Variants in DPP10 observed in about 807,000 individuals in gnomAD.
DPP10 encodes the protein inactive dipeptidyl peptidase 10.
Under a neutral mutation model 120.9 loss-of-function variants are expected in DPP10, and 33 were observed. The observed-to-expected ratio is 0.27, with a 90% CI of 0.21 to 0.37. DPP10 has a LOEUF of 0.37. Among genes scored for constraint, DPP10 ranks in the 10% least tolerant of loss-of-function variants. The pLI, the probability that DPP10 is intolerant of heterozygous loss-of-function variation, is 1.00. For missense variants in DPP10, 816 were observed against 942.8 expected (o/e 0.87, Z 1.76); for synonymous variants, 337 against 326.1 (o/e 1.03, Z -0.36).
Position 115,842,441 on chromosome 2 carries a change from C to A in DPP10, c.*96C>A, listed in dbSNP as rs1437586654. The stretch of plus-strand genomic sequence containing the variant: ...TGTAGTTGCTCCAGAATGTCAAGGG[C>A]AGCTTACGGAGATGTCACTGGAGCA... On this transcript the variant is annotated 3_prime_UTR_variant, in exon 26 of 26. Coordinates refer to ENST00000410059, the MANE Select transcript of DPP10 (RefSeq NM_020868.6). 2.1e-6 allele frequency: 3 copies of A among 1,434,744 alleles called. No individual in the cohort carries two copies. The highest frequency in any genetic ancestry group is 2.3e-5 in the East Asian group (1 of 42,946). 88.9% of individuals were successfully genotyped at this position (1,434,744 alleles called of 1,614,324 possible).
intron 1 of DPP10, among the ~76,000 whole-genome samples, chr2:114,840,000 G>GGAC (rs1688031896): frequency 6.6e-6 from 1 of 152,062 alleles, no homozygotes; most frequent in African/African-American, 2.4e-5. Context: ...TCAGGAGGTG[G>GGAC]GACGGTTCTT....
At chr2:114,993,877 C>T (rs1292449966) in intron 1 of DPP10, among the ~76,000 whole-genome samples, 2 of 152,056 alleles carry the variant, frequency 1.3e-5, no homozygotes, top group Non-Finnish European at 2.9e-5. Context: ...AAATTGACTG[C>T]AACTATGTCA....
At chr2:114,744,864 C>T (rs899513316) in intron 1 of DPP10, among the ~76,000 whole-genome samples, 5 of 152,110 alleles carry the variant, frequency 3.3e-5, no homozygotes, top group African/African-American at 4.8e-5. Flanking sequence ...CAGGTTCAAG[C>T]GATTCTCCTG....
intron 4 of DPP10, among the ~76,000 whole-genome samples, chr2:115,503,380 A>G (rs1182310742): frequency 1.3e-5 from 2 of 152,064 alleles, no homozygotes; most frequent in Non-Finnish European, 2.9e-5. Context: ...GATAGATCCA[A>G]CTCTGTACCG....
At chr2:115,251,280 A>C (rs1019849953) in intron 1 of DPP10, among the ~76,000 whole-genome samples, 2 of 152,210 alleles carry the variant, frequency 1.3e-5, no homozygotes, top group African/African-American at 4.8e-5. Context: ...AGTTTTATTA[A>C]TGATGGCTTT....
chr2:115,815,420 T>C (rs1206138133), intron 20 of DPP10, among the ~76,000 whole-genome samples: 1 of 152,178 alleles, frequency 6.6e-6, no homozygotes, highest in Non-Finnish European at 1.5e-5. Context: ...CAAATGTAGA[T>C]GTTGATTCAG....
At chr2:115,413,730 A>G (rs1184018663) in intron 3 of DPP10, among the ~76,000 whole-genome samples, 1 of 152,180 alleles carries the variant, frequency 6.6e-6, no homozygotes, top group African/African-American at 2.4e-5. Flanking sequence ...CATTTAGGCA[A>G]CTGTTAAAAG....
chr2:115,777,847 C>T lies in DPP10; in HGVS notation c.1361+13C>T. On this transcript the variant is annotated intron_variant, in intron 15 of 25. Coordinates refer to ENST00000410059, the MANE Select transcript of DPP10 (RefSeq NM_020868.6). The stretch of plus-strand genomic sequence containing the variant: ...GGCAGCTGTACAGGTAAGCAGTGTG[C>T]AAGGATCTCCTTACACAGATTGGCT... The T allele has an allele frequency of 6.2e-7, 1 of 1,612,098 alleles. No homozygotes were observed. The highest frequency in any genetic ancestry group is 2.2e-5 in the East Asian group (1 of 44,846).
At chr2:114,709,402 A>G (rs763463440) in intron 1 of DPP10, among the ~76,000 whole-genome samples, 1 of 152,124 alleles carries the variant, frequency 6.6e-6, no homozygotes, top group African/African-American at 2.4e-5. Context: ...TGGCTTGTCA[A>G]CTTCTTAATT....
intron 1 of DPP10, among the ~76,000 whole-genome samples, chr2:114,937,291 C>T (rs1207773415): frequency 6.6e-6 from 1 of 152,140 alleles, no homozygotes; most frequent in Non-Finnish European, 1.5e-5. Flanking sequence ...GATCCAGTTT[C>T]GTTCTCCTAC....
At chr2:115,698,286 A>C (rs1017685317) in intron 7 of DPP10, among the ~76,000 whole-genome samples, 2 of 152,186 alleles carry the variant, frequency 1.3e-5, no homozygotes, top group African/African-American at 4.8e-5. Context: ...AAAATTACAG[A>C]AAAATTAGAA....
chr2:114,698,580 C>T lies in DPP10; in HGVS notation c.60+255742C>T, dbSNP rs1023513272. Among the ~76,000 whole-genome samples the T allele has an allele frequency of 4.6e-5, 7 of 152,220 alleles. No individual in the cohort carries two copies. In the East Asian group the frequency reaches 1.2e-3, roughly 25 times the overall value. On this transcript the variant is annotated intron_variant, in intron 1 of 25. Coordinates refer to ENST00000410059, the MANE Select transcript of DPP10 (RefSeq NM_020868.6). ...GTGTTTCTTGTTGATACCCAGAACACGTGAGATCAGGGAGTAAGTAACAGA... is the reference window on the plus strand; with the variant it reads ...GTGTTTCTTGTTGATACCCAGAACATGTGAGATCAGGGAGTAAGTAACAGA...
intron 1 of DPP10, among the ~76,000 whole-genome samples, chr2:115,077,109 C>T (rs1707867301): frequency 6.6e-6 from 1 of 152,142 alleles, no homozygotes; most frequent in Admixed American, 6.5e-5. Flanking sequence ...TGAATGCCAC[C>T]ATCTCCCTGA....
chr2:115,794,270 A>ATGCATGAG (rs1191867964), intron 19 of DPP10, among the ~76,000 whole-genome samples: 13 of 152,174 alleles, frequency 8.5e-5, no homozygotes, highest in Admixed American at 6.5e-4. Flanking sequence ...CATCCAAGGA[A>ATGCATGAG]TTATATAATG....
Position 115,706,640 on chromosome 2 carries a change from G to C in DPP10, c.576+16719G>C, listed in dbSNP as rs1349739284. Among the ~76,000 whole-genome samples the C allele has an allele frequency of 5.3e-5, 8 of 151,976 alleles. No homozygotes were observed. The East Asian group carries it at 9.7e-4, about 18-fold the overall frequency. ...CACCATACCTATTATTCTTACATTT[G>C]ATCAGACAGGGTTAACCTAGAGTGA... On this transcript the variant is annotated intron_variant, in intron 7 of 25. Transcript: ENST00000410059.
At chr2:115,408,490 A>G (rs186617700) in intron 3 of DPP10, among the ~76,000 whole-genome samples, 1 of 152,260 alleles carries the variant, frequency 6.6e-6, no homozygotes, top group East Asian at 1.9e-4. Context: ...GTTGACATCT[A>G]TAAAATATTT....
intron 3 of DPP10, among the ~76,000 whole-genome samples, chr2:115,397,077 G>A (rs1414729996): frequency 6.6e-6 from 1 of 152,176 alleles, no homozygotes; most frequent in Non-Finnish European, 1.5e-5. Context: ...TCCTTAGATA[G>A]TTTAAGATGA....
intron 1 of DPP10, among the ~76,000 whole-genome samples, chr2:115,272,641 A>C (rs1378685053): frequency 6.6e-6 from 1 of 152,244 alleles, no homozygotes; most frequent in Non-Finnish European, 1.5e-5. Context: ...TCCTTCTAAC[A>C]AAATATCAAC....
chr2:114,801,059 C>T (rs1425820078), intron 1 of DPP10, among the ~76,000 whole-genome samples: 2 of 151,694 alleles, frequency 1.3e-5, no homozygotes, highest in South Asian at 2.1e-4. Context: ...GTCAGGAGAT[C>T]GAGACCATCC....
Sources: gnomAD v4.1 joint callset for allele counts (sites outside exome capture counted in the v4.1 genomes callset) on GRCh38, gnomAD v4.1.1 for gene constraint, MANE v1.5 for transcripts, NCBI Gene and HGNC (gene_info 2026-07-23, HGNC 2026-07-21) for gene names.